The following EEIG1 variants were observed in gnomAD, a reference collection of about 807,000 sequenced individuals.
EEIG1 encodes the protein estrogen-induced osteoclastogenesis regulator 1, also known as early estrogen-induced gene 1 protein.
the EEIG1 span, among the ~76,000 whole-genome samples, chr9:127,974,490 T>A: frequency 3.9e-5 from 6 of 152,200 alleles, no homozygotes; most frequent in African/African-American, 1.4e-4. Context: ...CCAATTCCCC[T>A]CTGCCTTCAA....
the EEIG1 span, among the ~76,000 whole-genome samples, chr9:127,975,097 G>A: frequency 6.6e-6 from 1 of 152,252 alleles, no homozygotes; most frequent in Non-Finnish European, 1.5e-5. Context: ...AGAAGGGCGG[G>A]TGAGGGACCA....
chr9:127,963,938 G>A, the EEIG1 span, among the ~76,000 whole-genome samples: 2 of 152,212 alleles, frequency 1.3e-5, no homozygotes, highest in East Asian at 3.8e-4. Context: ...CTGGGGGCAG[G>A]AGGCCGAGAA....
chr9:127,959,759 C>G, the EEIG1 span, among the ~76,000 whole-genome samples: 1 of 152,216 alleles, frequency 6.6e-6, no homozygotes, highest in Non-Finnish European at 1.5e-5. Flanking sequence ...GAGGCCTCGG[C>G]ACCCATGTGG....
the EEIG1 span, among the ~76,000 whole-genome samples, chr9:127,957,686 G>A: frequency 2.0e-5 from 3 of 152,176 alleles, no homozygotes; most frequent in African/African-American, 7.2e-5. Context: ...AAAAATTCAC[G>A]CTTTTGATTT....
At chr9:127,980,087 G>A in the EEIG1 span, 16 of 1,613,656 alleles carry the variant, frequency 9.9e-6, no homozygotes, top group Admixed American at 1.7e-5. Context: ...GCTCCTCCAG[G>A]GTGAAAGTAG....
At chr9:127,944,979 G>A in the EEIG1 span, 1 of 1,511,744 alleles carries the variant, frequency 6.6e-7, no homozygotes, top group Non-Finnish European at 9.0e-7. Context: ...AATAATGCCA[G>A]TCAGCCGCAG....
chr9:127,969,164 G>T, the EEIG1 span, among the ~76,000 whole-genome samples: 1 of 152,186 alleles, frequency 6.6e-6, no homozygotes, highest in East Asian at 1.9e-4. Flanking sequence ...CAAAGACAGG[G>T]TTCAGGGCAG....
At chr9:127,949,022 G>A in the EEIG1 span, among the ~76,000 whole-genome samples, 1 of 152,182 alleles carries the variant, frequency 6.6e-6, no homozygotes, top group African/African-American at 2.4e-5. Context: ...TGACCACTCC[G>A]TTGAGGCTTT....
the EEIG1 span, chr9:127,979,906 C>A: frequency 2.0e-6 from 3 of 1,469,876 alleles, no homozygotes; most frequent in South Asian, 4.0e-5. Context: ...CTCACACCGG[C>A]CCCAAGGGGC....
chr9:127,977,296 C>G, the EEIG1 span, among the ~76,000 whole-genome samples: 1 of 152,182 alleles, frequency 6.6e-6, no homozygotes, highest in Non-Finnish European at 1.5e-5. Context: ...GGCCCCTTGC[C>G]AGGAGGAAGA....
the EEIG1 span, among the ~76,000 whole-genome samples, chr9:127,969,319 T>C: frequency 6.6e-6 from 1 of 152,098 alleles, no homozygotes. Context: ...TAATCACAAA[T>C]GTTTGCTGGA....
chr9:127,961,830 G>A, the EEIG1 span, among the ~76,000 whole-genome samples: 4 of 148,788 alleles, frequency 2.7e-5, no homozygotes, highest in African/African-American at 9.6e-5. Flanking sequence ...AGGCCCCGGG[G>A]TGGGAATGTC....
chr9:127,954,273 C>T, the EEIG1 span, among the ~76,000 whole-genome samples: 79 of 152,298 alleles, frequency 5.2e-4, no homozygotes, highest in Non-Finnish European at 1.0e-3. Flanking sequence ...CCTGCACTGC[C>T]ATTACCTCCT....
At chr9:127,961,148 G>A in the EEIG1 span, among the ~76,000 whole-genome samples, 1 of 152,208 alleles carries the variant, frequency 6.6e-6, no homozygotes, top group Non-Finnish European at 1.5e-5. Context: ...AGCTAGTCTC[G>A]ACCCCAGCCC....
At chr9:127,949,311 C>CA in the EEIG1 span, among the ~76,000 whole-genome samples, 68,522 of 90,190 alleles carry the variant, frequency 0.76, 26,480 homozygotes, top group Non-Finnish European at 0.85. Flanking sequence ...GACTCTGTCT[C>CA]AAAAAAAAAA....
At chr9:127,957,097 C>T in the EEIG1 span, among the ~76,000 whole-genome samples, 1 of 152,154 alleles carries the variant, frequency 6.6e-6, no homozygotes, top group East Asian at 1.9e-4. Context: ...CACTTGAGGT[C>T]AGGTAGCTAT....
the EEIG1 span, chr9:127,945,425 G>A: frequency 1.9e-6 from 3 of 1,572,036 alleles, no homozygotes; most frequent in Admixed American, 5.5e-5. This position sits in a 1 kb window ranked among gnomAD's most constrained non-coding sequence, Gnocchi z 6.5. Context: ...TTCTCCGGGG[G>A]CCGGTGCTCC....
At chr9:127,956,625 G>C in the EEIG1 span, among the ~76,000 whole-genome samples, 1 of 152,196 alleles carries the variant, frequency 6.6e-6, no homozygotes, top group East Asian at 1.9e-4. Context: ...TGGCCGGGCT[G>C]GTCTTGAACT....
chr9:127,959,712 C>T, the EEIG1 span, among the ~76,000 whole-genome samples: 1 of 152,226 alleles, frequency 6.6e-6, no homozygotes, highest in African/African-American at 2.4e-5. Flanking sequence ...AAGGTCCTCG[C>T]TTCCCCTTCG....
Sources: allele counts gnomAD v4.1 joint callset (sites outside exome capture counted in the v4.1 genomes callset), GRCh38; gene constraint gnomAD v4.1.1; non-coding constraint Gnocchi (gnomAD v3.1); transcripts MANE v1.5; gene names NCBI Gene and HGNC (gene_info 2026-07-23, HGNC 2026-07-21).